Variants in FCHSD2 observed in about 807,000 individuals in gnomAD.
The protein encoded by FCHSD2 is FCH and double SH3 domains 2, also known as F-BAR and double SH3 domains protein 2.
In FCHSD2, 38 loss-of-function variants were observed where a neutral mutation model predicts 108.1. The ratio of observed to expected loss-of-function variants is 0.35; its 90% confidence interval spans 0.27 to 0.46. The LOEUF (loss-of-function observed/expected upper bound fraction) is 0.46. Ranked by LOEUF, FCHSD2 falls within the 20% of genes least tolerant of loss-of-function variation. The pLI is 1.00. For synonymous variants in FCHSD2, 279 were observed against 314.7 expected (o/e 0.89, Z 1.20); for missense variants, 751 against 897.8 (o/e 0.84, Z 2.09).
chr11:73,097,453 T>A (rs1301300276), intron 2 of FCHSD2, among the ~76,000 whole-genome samples: 1 of 151,760 alleles, frequency 6.6e-6, no homozygotes, highest in East Asian at 1.9e-4. Flanking sequence ...TCTGTTTGAT[T>A]TTTGTATAAG....
At chr11:72,934,757 A>G (rs1856266845) in intron 8 of FCHSD2, among the ~76,000 whole-genome samples, 2 of 152,186 alleles carry the variant, frequency 1.3e-5, no homozygotes, top group African/African-American at 2.4e-5. Flanking sequence ...GTGGTCTCCA[A>G]TATGCAAAAA....
intron 2 of FCHSD2, among the ~76,000 whole-genome samples, chr11:73,098,371 A>G (rs1054682074): frequency 6.6e-6 from 1 of 152,146 alleles, no homozygotes; most frequent in African/African-American, 2.4e-5. Context: ...CCTTCTATTA[A>G]TTGATTTCTA....
At chr11:72,898,581 A>AT (rs1169138041) in intron 10 of FCHSD2, among the ~76,000 whole-genome samples, 2 of 152,338 alleles carry the variant, frequency 1.3e-5, no homozygotes, top group East Asian at 3.9e-4. Context: ...CATCATATAT[A>AT]AAACTCAAAA....
At chr11:73,135,113 C>G (rs1861092997) in intron 2 of FCHSD2, among the ~76,000 whole-genome samples, 1 of 152,222 alleles carries the variant, frequency 6.6e-6, no homozygotes, top group African/African-American at 2.4e-5. Context: ...CTTGGCCTCC[C>G]AAAGTGCTGG....
intron 8 of FCHSD2, among the ~76,000 whole-genome samples, chr11:72,959,673 G>T (rs536629149): frequency 1.3e-5 from 2 of 152,162 alleles, no homozygotes; most frequent in South Asian, 4.1e-4. Flanking sequence ...TGCTAAGATA[G>T]ACATTTCAAC....
chr11:72,898,790 T>G (rs542539915), intron 10 of FCHSD2, among the ~76,000 whole-genome samples: 1 of 151,630 alleles, frequency 6.6e-6, no homozygotes, highest in African/African-American at 2.4e-5. Flanking sequence ...AATGCAGTGG[T>G]GTGATCACGG....
At position 72,838,181 on chromosome 11, in the gene FCHSD2, GTC is replaced by G. The variant is rs2135142210; in HGVS notation, c.*608_*609del. 6.6e-6 allele frequency: 1 copy of G among 152,620 alleles called. No individual in the cohort carries two copies. The highest frequency in any genetic ancestry group is 1.9e-4 in the East Asian group (1 of 5,186). The allele number at this position is 152,620 out of a possible 1,614,324, so 9.5% of individuals were successfully genotyped here. On this transcript the variant is annotated 3_prime_UTR_variant, in exon 20 of 20. Transcript: ENST00000409418. ...AATACGAAGGACACTGTTATTTTAAGTCTGTTAGTTGTGGAAGAGATGTGCGT... is the reference window on the plus strand; with the variant it reads ...AATACGAAGGACACTGTTATTTTAAGTGTTAGTTGTGGAAGAGATGTGCGT...
chr11:73,133,421 G>A (rs1245291442), intron 2 of FCHSD2, among the ~76,000 whole-genome samples: 1 of 152,180 alleles, frequency 6.6e-6, no homozygotes, highest in Non-Finnish European at 1.5e-5. Flanking sequence ...ATACAATGGG[G>A]TATTATTTGG....
intron 8 of FCHSD2, among the ~76,000 whole-genome samples, chr11:72,982,881 C>A (rs993149638): frequency 1.3e-5 from 2 of 152,030 alleles, no homozygotes; most frequent in African/African-American, 4.8e-5. Context: ...TAAAAAATAG[C>A]CAAGCACAAT....
chr11:72,926,329 A>ACAGAG (rs1176681633), intron 8 of FCHSD2, among the ~76,000 whole-genome samples: 2 of 152,178 alleles, frequency 1.3e-5, no homozygotes, highest in African/African-American at 4.8e-5. Context: ...CTGGGCTCAG[A>ACAGAG]CAGAGCAGAG....
At chr11:73,019,228 T>C (rs1430125070) in intron 3 of FCHSD2, among the ~76,000 whole-genome samples, 1 of 152,194 alleles carries the variant, frequency 6.6e-6, no homozygotes, top group East Asian at 1.9e-4. Flanking sequence ...GAAAGCAGAA[T>C]GACAGCACTC....
rs541728684 is a variant in FCHSD2 at position 72,883,192 on chromosome 11, C to T, written c.1146+4278G>A. Among the ~76,000 whole-genome samples, 178 of 152,234 alleles carry T rather than the reference C, an allele frequency of 1.2e-3. 1 individual carries two copies. The highest frequency in any genetic ancestry group is 4.1e-3 in the African/African-American group (171 of 41,540). On this transcript the variant is annotated intron_variant, in intron 12 of 19. Transcript: ENST00000409418. The stretch of plus-strand genomic sequence containing the variant: ...ACAATTTAACTAGAAATGTTTAGGA[C>T]CACAGTCCACAAAGAAAAGCTTGAA...
intron 8 of FCHSD2, among the ~76,000 whole-genome samples, chr11:72,977,231 TA>T (rs1437129249): frequency 6.6e-6 from 1 of 152,102 alleles, no homozygotes; most frequent in Non-Finnish European, 1.5e-5. Flanking sequence ...CCAAAACTAT[TA>T]AAATAAAGCA....
At chr11:72,977,919 C>T (rs1200655538) in intron 8 of FCHSD2, among the ~76,000 whole-genome samples, 2 of 152,130 alleles carry the variant, frequency 1.3e-5, no homozygotes, top group Admixed American at 6.5e-5. Context: ...AACCCAAATG[C>T]CCATCAATGA....
chr11:72,841,340 CAAAAAAAAAAAAAA>C lies in FCHSD2; in HGVS notation c.2056+100_2056+113del, dbSNP rs59748827. On this transcript the variant is annotated intron_variant, in intron 18 of 19. Coordinates refer to ENST00000409418, the MANE Select transcript of FCHSD2 (RefSeq NM_014824.3). ...GCCCAGGTGACAGAGACTCTGTCTC[CAAAAAAAAAAAAAA>C]AAAAAAAAAAGCAAATGCAGTTTTT... 6.8e-4 allele frequency: 255 copies of C among 373,870 alleles called. 2 individuals are homozygous for C. The highest frequency in any genetic ancestry group is 3.5e-4 in the Non-Finnish European group (86 of 243,962). The allele number at this position is 373,870 out of a possible 1,614,324, so 23.2% of individuals were successfully genotyped here.
In FCHSD2 at chr11:72,950,933, C is replaced by A. The variant is rs371332699; in HGVS notation, c.706-28983G>T. ...CTAATTCTCTCTAATTCAGTGTGAA[C>A]AGAAGTAACATTTGCTCCTTTAAGG... On this transcript the variant is annotated intron_variant, in intron 8 of 19. Coordinates refer to ENST00000409418, the MANE Select transcript of FCHSD2 (RefSeq NM_014824.3). Among the ~76,000 whole-genome samples, 43 of 152,296 alleles carry A rather than the reference C, an allele frequency of 2.8e-4. 1 individual carries two copies. In the East Asian group the frequency reaches 6.8e-3, roughly 24 times the overall value.
intron 3 of FCHSD2, among the ~76,000 whole-genome samples, chr11:73,051,911 A>ACCC (rs1399241154): frequency 8.5e-5 from 10 of 118,290 alleles, no homozygotes; most frequent in African/African-American, 2.8e-4. Context: ...ACACACACAC[A>ACCC]CACACCCCAC....
chr11:72,993,797 T>C (rs1318065940), intron 5 of FCHSD2, among the ~76,000 whole-genome samples: 1 of 150,716 alleles, frequency 6.6e-6, no homozygotes, highest in African/African-American at 2.4e-5. Context: ...TTTGGAGATA[T>C]ACCTAATGTT....
intron 13 of FCHSD2, among the ~76,000 whole-genome samples, chr11:72,854,800 A>G (rs1024941433): frequency 3.3e-5 from 5 of 152,200 alleles, no homozygotes; most frequent in African/African-American, 1.2e-4. Flanking sequence ...ATGGGGAGTT[A>G]TTGCTTAATG....
Sources: gnomAD v4.1 joint callset for allele counts (sites outside exome capture counted in the v4.1 genomes callset) on GRCh38, gnomAD v4.1.1 for gene constraint, MANE v1.5 for transcripts, NCBI Gene and HGNC (gene_info 2026-07-23, HGNC 2026-07-21) for gene names.